Variants in SRL observed in about 807,000 individuals in gnomAD.
SRL encodes sarcalumenin.
A neutral mutation model predicts 39.5 loss-of-function variants in SRL; 23 were observed. That is an observed-to-expected ratio of 0.58 (90% CI 0.42 to 0.82). SRL has a LOEUF of 0.82. Among genes scored for constraint, SRL ranks in the 40% least tolerant of loss-of-function variants. The pLI is 0.00. For missense variants in SRL, 592 were observed against 607.8 expected (o/e 0.97, Z 0.27); for synonymous variants, 272 against 237.4 (o/e 1.15, Z -1.34).
At position 4,192,135 on chromosome 16, in the gene SRL, C is replaced by G; in HGVS notation, c.*18G>C. 1 of 1,532,746 alleles carries G rather than the reference C, an allele frequency of 6.5e-7. No homozygotes were observed. 94.9% of individuals were successfully genotyped at this position (1,532,746 alleles called of 1,614,324 possible). ...ACAAGCTGATTCACCAACAGGAACC[C>G]AAGGACCGCTCCACCACCTAGTGCT... is the stretch of plus-strand genomic sequence containing the variant. On this transcript the variant is annotated 3_prime_UTR_variant, in exon 6 of 6. Coordinates refer to ENST00000399609, the MANE Select transcript of SRL (RefSeq NM_001098814.2). This position sits in a 1 kb window ranked among gnomAD's most constrained non-coding sequence, Gnocchi z 4.0.
chr16:4,192,015 T>G lies in SRL; in HGVS notation c.*138A>C. 1 of 956,398 alleles carries G rather than the reference T, an allele frequency of 1.0e-6. No homozygotes were observed. Among genetic ancestry groups the G allele is most frequent in the Non-Finnish European group, 1.6e-6 (1 of 634,656 alleles). The allele number at this position is 956,398 out of a possible 1,614,324, so 59.2% of individuals were successfully genotyped here. The stretch of plus-strand genomic sequence containing the variant: ...AGACCCACACACCTGCCCCGACCCC[T>G]GGCCTCAATGAACTCCCAACTCTCC... On this transcript the variant is annotated 3_prime_UTR_variant, in exon 6 of 6. Coordinates refer to ENST00000399609, the MANE Select transcript of SRL (RefSeq NM_001098814.2). The surrounding 1 kb of genome is among the most constrained non-coding windows in gnomAD (Gnocchi z 4.0).
At chr16:4,221,744 C>T (rs1005301462) in intron 1 of SRL, among the ~76,000 whole-genome samples, 2 of 152,284 alleles carry the variant, frequency 1.3e-5, no homozygotes, top group Admixed American at 6.5e-5. Flanking sequence ...AGAGGCCAGA[C>T]GTCTCAAATC....
At chr16:4,224,878 G>C (rs1170694468) in intron 1 of SRL, among the ~76,000 whole-genome samples, 2 of 152,178 alleles carry the variant, frequency 1.3e-5, no homozygotes, top group Non-Finnish European at 2.9e-5. Context: ...AACAGAACAT[G>C]GTCTATCCAC....
chr16:4,209,222 G>T (rs540190907), intron 1 of SRL, among the ~76,000 whole-genome samples: 2 of 151,990 alleles, frequency 1.3e-5, no homozygotes, highest in Middle Eastern at 3.4e-3. Context: ...GCAGTGAGCC[G>T]AGATCGCGCC....
At chr16:4,228,411 G>A (rs771560820) in intron 1 of SRL, among the ~76,000 whole-genome samples, 7 of 151,982 alleles carry the variant, frequency 4.6e-5, no homozygotes, top group African/African-American at 1.5e-4. Context: ...ACTCCAACCC[G>A]GGCGACAGAG....
rs1175967421 is a variant in SRL, at chr16:4,195,591, G to A, written c.572C>T (p.Thr191Ile). 3 of 1,614,188 alleles carry A rather than the reference G, an allele frequency of 1.9e-6. No homozygotes were observed. The highest frequency in any genetic ancestry group is 1.1e-5 in the South Asian group (1 of 91,076). Residue 191 changes from threonine to isoleucine, a missense_variant, in exon 5 of 6, where the codon ACA (threonine) becomes ATA (isoleucine). Coordinates refer to ENST00000399609, the MANE Select transcript of SRL (RefSeq NM_001098814.2). ...CTTGCGGTTCTCGATGATGCCTGGTGTATCCACAAAAGTGACCCTCTCCAG... is the reference window on the plus strand; with the variant it reads ...CTTGCGGTTCTCGATGATGCCTGGTATATCCACAAAAGTGACCCTCTCCAG... ...KLLERVTFVD[T>I]PGIIENRKQQ...
chr16:4,192,352 T>C lies in SRL; in HGVS notation c.1223A>G (p.Asn408Ser). 1 of 1,614,158 alleles carries C rather than the reference T, an allele frequency of 6.2e-7. No individual in the cohort carries two copies. The highest frequency in any genetic ancestry group is 8.5e-7 in the Non-Finnish European group (1 of 1,180,026). Residue 408 changes from asparagine (N) to serine (S), a missense_variant, in exon 6 of 6, where the codon AAT (asparagine) becomes AGT (serine). By Grantham distance (46) the Asn-to-Ser change is conservative. Transcript: ENST00000399609. This position sits in a 1 kb window ranked among gnomAD's most constrained non-coding sequence, Gnocchi z 4.0. ...GAGCAGTTTGAAACTGGAAATGGGA[T>C]TGATGCCGAAGAAGTCCTTATAGGC... is the stretch of plus-strand genomic sequence containing the variant. ...REAYKDFFGINPISSFKLLSQ... is the reference protein window; with the variant it reads ...REAYKDFFGISPISSFKLLSQ...
At chr16:4,204,707 G>C in intron 1 of SRL, 73 bp from the exon 2 acceptor site, 1 of 1,366,888 alleles carries the variant, frequency 7.3e-7, no homozygotes, top group Non-Finnish European at 1.0e-6. Context: ...CGGCACAGCA[G>C]ACGAGGGCTG....
intron 1 of SRL, among the ~76,000 whole-genome samples, chr16:4,226,673 G>C (rs145290475): frequency 2.0e-5 from 3 of 151,996 alleles, no homozygotes; most frequent in Middle Eastern, 3.4e-3. Flanking sequence ...AAGGATGATG[G>C]ATGGTTGAAT....
chr16:4,232,500 A>G (rs554495244), intron 1 of SRL, among the ~76,000 whole-genome samples: 1 of 151,632 alleles, frequency 6.6e-6, no homozygotes, highest in East Asian at 1.9e-4. Context: ...GCCTTTACCT[A>G]TTGCCATCTA....
intron 1 of SRL, among the ~76,000 whole-genome samples, chr16:4,219,105 CTAGCCCAACTCTT>C (rs141255816): frequency 0.02 from 3,114 of 152,320 alleles, 102 homozygotes; most frequent in African/African-American, 0.071. Flanking sequence ...TAGAAAGTAA[CTAGCCCAACTCTT>C]TAGCCCAACT....
intron 1 of SRL, chr16:4,206,923 G>A: frequency 4.4e-6 from 2 of 456,406 alleles, no homozygotes; most frequent in South Asian, 1.5e-5. Flanking sequence ...CTGGCTTCCT[G>A]GGGCTCCCTG....
chr16:4,199,694 T>TTTC (rs1491272316), intron 3 of SRL, among the ~76,000 whole-genome samples: 642 of 29,944 alleles, frequency 0.021, 15 homozygotes, highest in African/African-American at 0.044. Context: ...TTTCTTTTCC[T>TTTC]TTTTTTTTTT....
chr16:4,201,837 A>G (rs549101183), intron 3 of SRL, among the ~76,000 whole-genome samples: 1 of 92,936 alleles, frequency 1.1e-5, no homozygotes, highest in African/African-American at 6.2e-5. Flanking sequence ...TGTATTTTTA[A>G]TAGAAACGGG....
intron 5 of SRL, among the ~76,000 whole-genome samples, chr16:4,194,288 T>C (rs79513452): frequency 0.014 from 2,112 of 152,316 alleles, 55 homozygotes; most frequent in African/African-American, 0.047. Flanking sequence ...AAATTGAAAA[T>C]TCTGTACCCA....
intron 3 of SRL, among the ~76,000 whole-genome samples, chr16:4,200,749 C>T (rs2052216820): frequency 1.3e-5 from 2 of 152,264 alleles, no homozygotes; most frequent in Admixed American, 1.3e-4. Flanking sequence ...GTACAGGTAG[C>T]TGTGGAACAG....
intron 1 of SRL, among the ~76,000 whole-genome samples, chr16:4,240,204 G>A (rs2052758082): frequency 6.6e-6 from 1 of 152,210 alleles, no homozygotes; most frequent in African/African-American, 2.4e-5. Flanking sequence ...GATAGGGAGG[G>A]AAGTTAGCAC....
intron 1 of SRL, among the ~76,000 whole-genome samples, chr16:4,219,180 G>A (rs1186804465): frequency 6.6e-6 from 1 of 152,258 alleles, no homozygotes; most frequent in Non-Finnish European, 1.5e-5. Context: ...AAAGGAGCTT[G>A]CCAGAAGTCG....
In SRL at chr16:4,208,342, G is replaced by A. The variant is rs768034605; in HGVS notation, c.62-3708C>T. ...GATCAGGGAGTTAAAGGACTGACCC[G>A]TTGTCCATCACTAACGAAGTGAGCA... On this transcript the variant is annotated intron_variant, in intron 1 of 5. Transcript: ENST00000399609. 1.2e-4 allele frequency among the ~76,000 whole-genome samples: 19 copies of A among 152,228 alleles called. 1 individual carries two copies. The highest frequency in any genetic ancestry group is 3.6e-4 in the African/African-American group (15 of 41,530).
Sources: gnomAD v4.1 joint callset for allele counts (sites outside exome capture counted in the v4.1 genomes callset) on GRCh38, gnomAD v4.1.1 for gene constraint, Gnocchi (gnomAD v3.1) non-coding constraint, MANE v1.5 for transcripts, NCBI Gene and HGNC (gene_info 2026-07-23, HGNC 2026-07-21) for gene names.